Variants in MMADHC observed in about 807,000 individuals in gnomAD.
MMADHC encodes the protein metabolism of cobalamin associated D, also known as cobalamin trafficking protein CblD.
In MMADHC, 23 loss-of-function variants were observed where a neutral mutation model predicts 36.3. That is an observed-to-expected ratio of 0.63 (90% CI 0.46 to 0.90). The LOEUF (loss-of-function observed/expected upper bound fraction) is 0.90. Ranked by LOEUF, MMADHC falls within the 40% of genes least tolerant of loss-of-function variation. The probability of loss-of-function intolerance (pLI) is 0.00; values close to 1 mark genes in which losing one functional copy is unlikely to be tolerated. For missense variants in MMADHC, 330 were observed against 348.0 expected (o/e 0.95, Z 0.41); for synonymous variants, 97 against 116.1 (o/e 0.84, Z 1.06).
At chr2:149,572,705 C>A (rs1682661960) in intron 6 of MMADHC, among the ~76,000 whole-genome samples, 1 of 152,100 alleles carries the variant, frequency 6.6e-6, no homozygotes, top group South Asian at 2.1e-4. Context: ...CTGAGTTAGT[C>A]TGCAGAACTA....
chr2:149,575,162 A>T (rs1682694765), intron 6 of MMADHC, among the ~76,000 whole-genome samples: 1 of 152,256 alleles, frequency 6.6e-6, no homozygotes, highest in Admixed American at 6.5e-5. Flanking sequence ...GATTTTATAA[A>T]GAATGAAATA....
Position 149,587,728 on chromosome 2 carries a change from G to A in MMADHC, c.-117C>T, listed in dbSNP as rs1479235826. On this transcript the variant is annotated 5_prime_UTR_variant, in exon 1 of 8. Coordinates refer to ENST00000303319, the MANE Select transcript of MMADHC (RefSeq NM_015702.3). ...TCTTCCTGCCATCAAAATGGCGGCG[G>A]CGACGGCAGCGGTGGTAGCACCTAC... 2 of 152,776 alleles carry A rather than the reference G, an allele frequency of 1.3e-5. No homozygotes were observed. The highest frequency in any genetic ancestry group is 2.4e-5 in the African/African-American group (1 of 41,470). 9.5% of individuals were successfully genotyped at this position (152,776 alleles called of 1,614,324 possible).
chr2:149,570,759 C>T (rs1682626527), intron 7 of MMADHC, among the ~76,000 whole-genome samples: 1 of 152,142 alleles, frequency 6.6e-6, no homozygotes, highest in Non-Finnish European at 1.5e-5. Flanking sequence ...TTCTTCCTTA[C>T]AGAAACTAGA....
chr2:149,587,569 G>T (rs1040475039), intron 1 of MMADHC, 95 bp downstream of exon 1: 5 of 205,682 alleles, frequency 2.4e-5, no homozygotes, highest in African/African-American at 1.2e-4. Context: ...TGGGGACAAC[G>T]ACAGGGACCC....
At chr2:149,570,866 CA>C (rs1185050416) in intron 7 of MMADHC, among the ~76,000 whole-genome samples, 1 of 152,012 alleles carries the variant, frequency 6.6e-6, no homozygotes, top group Non-Finnish European at 1.5e-5. Context: ...AAAGTAAAAA[CA>C]TTTTTAATTA....
intron 4 of MMADHC, among the ~76,000 whole-genome samples, chr2:149,578,475 T>C (rs1159291483): frequency 2.6e-5 from 4 of 152,150 alleles, no homozygotes; most frequent in East Asian, 3.8e-4. Flanking sequence ...GATGGTTCAG[T>C]AGGCATATAG....
In MMADHC at chr2:149,569,729, AC is replaced by A; in HGVS notation, c.*244del. 1 of 375,730 alleles carries A rather than the reference AC, an allele frequency of 2.7e-6. No homozygotes were observed. The highest frequency in any genetic ancestry group is 4.9e-6 in the Non-Finnish European group (1 of 205,500). 23.3% of individuals were successfully genotyped at this position (375,730 alleles called of 1,614,324 possible). ...AGGAGAAATAACAATAGCAGATCAT[AC>A]CCTGGTTACAAGCTAATTACCACAT... On this transcript the variant is annotated 3_prime_UTR_variant, in exon 8 of 8. Coordinates refer to ENST00000303319, the MANE Select transcript of MMADHC (RefSeq NM_015702.3).
At chr2:149,570,248 T>C (rs1221505784) in intron 7 of MMADHC, 80 bp from the exon 8 acceptor site, 1 of 1,147,426 alleles carries the variant, frequency 8.7e-7, no homozygotes, top group Non-Finnish European at 1.3e-6. Flanking sequence ...TGAACACCTA[T>C]CTACTTTAAT....
chr2:149,576,781 T>C (rs751442548), intron 4 of MMADHC, among the ~76,000 whole-genome samples: 1 of 152,186 alleles, frequency 6.6e-6, no homozygotes, highest in Non-Finnish European at 1.5e-5. Context: ...ATAAATATAC[T>C]GATATTCTAA....
chr2:149,586,674 T>C (rs763220037), intron 2 of MMADHC, among the ~76,000 whole-genome samples: 5 of 152,120 alleles, frequency 3.3e-5, no homozygotes, highest in Non-Finnish European at 7.4e-5. Context: ...TGTGAGAGTA[T>C]CTCCTATTCT....
intron 1 of MMADHC, 169 bp from the exon 2 acceptor site, chr2:149,587,318 T>C: frequency 1.7e-6 from 1 of 604,714 alleles, no homozygotes; most frequent in Non-Finnish European, 3.0e-6. Flanking sequence ...CAGGCACAGA[T>C]CCCCCAGCCC....
Position 149,587,408 on chromosome 2 carries a change from G to C in MMADHC, c.-53+256C>G, listed in dbSNP as rs114193203. On this transcript the variant is annotated intron_variant, in intron 1 of 7. Coordinates refer to ENST00000303319, the MANE Select transcript of MMADHC (RefSeq NM_015702.3). ...TCGGACCAGATCCGGGAGGGGAATG[G>C]GGGCTGGGTGGCCAAAATTCAGTCC... The C allele has an allele frequency of 4.0e-3, 1,933 of 481,602 alleles. 28 individuals are homozygous for C. Among genetic ancestry groups the C allele is most frequent in the African/African-American group, 0.034 (1,769 of 51,718 alleles). The allele number at this position is 481,602 out of a possible 1,614,324, so 29.8% of individuals were successfully genotyped here.
intron 6 of MMADHC, 107 bp from the exon 7 acceptor site, chr2:149,571,278 A>T (rs1002289378): frequency 1.5e-6 from 1 of 659,914 alleles, no homozygotes; most frequent in Non-Finnish European, 2.4e-6. Context: ...AGAACTCAAG[A>T]TTAATAAAAA....
At chr2:149,585,129 G>A (rs577289839) in intron 2 of MMADHC, among the ~76,000 whole-genome samples, 62 of 151,928 alleles carry the variant, frequency 4.1e-4, no homozygotes, top group African/African-American at 1.4e-3. Flanking sequence ...CTGACAACTT[G>A]ACAGATTTTA....
In MMADHC at chr2:149,587,771, A is replaced by C. The variant is rs1035308901; in HGVS notation, c.-160T>G. ...GCACCTACGCTGGCGGTGAGCAGGCAAAGGAAGTTGCTTCCGAGCGCGTCG... is the reference window on the plus strand; with the variant it reads ...GCACCTACGCTGGCGGTGAGCAGGCCAAGGAAGTTGCTTCCGAGCGCGTCG... On this transcript the variant is annotated 5_prime_UTR_variant, in exon 1 of 8. Transcript: ENST00000303319. The C allele has an allele frequency of 6.5e-6, 1 of 152,862 alleles. No individual in the cohort carries two copies. Among genetic ancestry groups the C allele is most frequent in the South Asian group, 2.0e-4 (1 of 4,950 alleles). The allele number at this position is 152,862 out of a possible 1,614,324, so 9.5% of individuals were successfully genotyped here.
intron 6 of MMADHC, 69 bp from the exon 7 acceptor site, chr2:149,571,240 A>C (rs1429437769): frequency 5.0e-6 from 5 of 990,658 alleles, no homozygotes; most frequent in Non-Finnish European, 7.3e-6. Flanking sequence ...TTTAAATAAA[A>C]TTTTAAGTGA....
intron 2 of MMADHC, among the ~76,000 whole-genome samples, chr2:149,585,171 A>G (rs1335506561): frequency 6.6e-6 from 1 of 152,238 alleles, no homozygotes; most frequent in Admixed American, 6.5e-5. Context: ...ATAATTAAAA[A>G]TAATAGCCAA....
At chr2:149,571,454 C>T (rs193211776) in intron 6 of MMADHC, among the ~76,000 whole-genome samples, 15 of 152,258 alleles carry the variant, frequency 9.9e-5, no homozygotes, top group African/African-American at 3.6e-4. Flanking sequence ...TTCTGTACTA[C>T]TAACTTCTGA....
In MMADHC at chr2:149,582,183, G is replaced by A. The variant is rs1323175121; in HGVS notation, c.98C>T (p.Thr33Ile). 1 of 1,614,016 alleles carries A rather than the reference G, an allele frequency of 6.2e-7. No individual in the cohort carries two copies. The highest frequency in any genetic ancestry group is 8.5e-7 in the Non-Finnish European group (1 of 1,179,914). The change falls in exon 3 of 8, where the codon ACT (threonine) becomes ATT (isoleucine). Residue 33 changes from threonine to isoleucine, a missense_variant. By Grantham distance (89) the Thr-to-Ile change is moderately conservative. Transcript: ENST00000303319. Reference protein sequence around the residue: ...KRVVNPKAFSTAGSSGSDESH... With the variant: ...KRVVNPKAFSIAGSSGSDESH... ...CTCATCCGAACCTGATGATCCTGCA[G>A]TCGAAAAGGCTTTGGGATTGACAAC...
Sources: gnomAD v4.1 joint callset for allele counts (sites outside exome capture counted in the v4.1 genomes callset) on GRCh38, gnomAD v4.1.1 for gene constraint, MANE v1.5 for transcripts, NCBI Gene and HGNC (gene_info 2026-07-23, HGNC 2026-07-21) for gene names.